The following ICA1L variants were observed in gnomAD, a reference collection of about 807,000 sequenced individuals.
ICA1L encodes the protein islet cell autoantigen 1 like.
ICA1L carries 50 observed loss-of-function variants against 61.3 expected under a neutral mutation model. That is an observed-to-expected ratio of 0.82 (90% CI 0.65 to 1.03). The LOEUF is 1.03. Among genes scored for constraint, ICA1L ranks in the 50% least tolerant of loss-of-function variants. The pLI, the probability that ICA1L is intolerant of heterozygous loss-of-function variation, is 0.00. For missense variants in ICA1L, 508 were observed against 556.7 expected (o/e 0.91, Z 0.88); for synonymous variants, 161 against 191.3 (o/e 0.84, Z 1.31).
At chr2:202,864,404 T>G (rs1190569866) in intron 1 of ICA1L, among the ~76,000 whole-genome samples, 1 of 152,068 alleles carries the variant, frequency 6.6e-6, no homozygotes, top group East Asian at 1.9e-4. Context: ...CCACCACGCC[T>G]GGCTAATTTT....
chr2:202,801,019 GA>G (rs35647239), intron 9 of ICA1L, among the ~76,000 whole-genome samples: 3 of 151,764 alleles, frequency 2.0e-5, no homozygotes, highest in African/African-American at 4.8e-5. Context: ...TTGAATATAG[GA>G]AAAAAAATAG....
At chr2:202,841,356 C>T in intron 1 of ICA1L, 1 of 831,746 alleles carries the variant, frequency 1.2e-6, no homozygotes, top group South Asian at 1.3e-5. Flanking sequence ...GTTGATGTAG[C>T]TCTCGAACAT....
chr2:202,859,257 A>C (rs1694846466), intron 1 of ICA1L, among the ~76,000 whole-genome samples: 1 of 152,230 alleles, frequency 6.6e-6, no homozygotes, highest in Admixed American at 6.5e-5. Flanking sequence ...TTATAATTGA[A>C]TTCAGATTAT....
chr2:202,840,217 G>C, intron 1 of ICA1L: 2 of 416,136 alleles, frequency 4.8e-6, no homozygotes, highest in South Asian at 1.8e-5. Context: ...CTGAGGGCTA[G>C]GGCTGAGCCT....
chr2:202,829,077 G>A, intron 1 of ICA1L, 61 bp from the exon 2 acceptor site: 1 of 1,382,958 alleles, frequency 7.2e-7, no homozygotes, highest in Non-Finnish European at 9.7e-7. Flanking sequence ...GGCTGGGCAC[G>A]GTGGCTCACG....
intron 1 of ICA1L, among the ~76,000 whole-genome samples, chr2:202,832,209 A>G (rs896627989): frequency 2.0e-5 from 3 of 152,188 alleles, no homozygotes; most frequent in Admixed American, 2.0e-4. Flanking sequence ...GAATCTCTCA[A>G]ATGCATCATT....
chr2:202,825,662 G>A, intron 3 of ICA1L, 33 bp downstream of exon 3: 1 of 1,385,334 alleles, frequency 7.2e-7, no homozygotes, highest in Non-Finnish European at 1.0e-6. Flanking sequence ...ATTTTAAATG[G>A]GGATTATCAG....
chr2:202,830,225 T>C (rs944174150), intron 1 of ICA1L, among the ~76,000 whole-genome samples: 4 of 152,090 alleles, frequency 2.6e-5, no homozygotes, highest in East Asian at 1.9e-4. Context: ...CTGGCCAACA[T>C]AGTGAAACCC....
Position 202,774,184 on chromosome 2 carries a change from G to T in ICA1L, c.*5349C>A. On this transcript the variant is annotated 3_prime_UTR_variant, in exon 13 of 13. Coordinates refer to ENST00000358299, the MANE Select transcript of ICA1L (RefSeq NM_001288622.3). ...ATCTGAGCGGCTTCTTGGAGAGCGGGCACACCAGGAACTCCAGCAGCGCCG... is the reference window on the plus strand; with the variant it reads ...ATCTGAGCGGCTTCTTGGAGAGCGGTCACACCAGGAACTCCAGCAGCGCCG... The T allele has an allele frequency of 6.5e-7, 1 of 1,550,302 alleles. No homozygotes were observed.
intron 1 of ICA1L, chr2:202,841,296 T>C: frequency 1.3e-6 from 1 of 748,284 alleles, no homozygotes. Context: ...AAGCTCTGCC[T>C]CCAGCTTCAG....
intron 9 of ICA1L, among the ~76,000 whole-genome samples, chr2:202,798,996 A>G (rs1693016952): frequency 6.6e-6 from 1 of 151,034 alleles, no homozygotes; most frequent in Non-Finnish European, 1.5e-5. Context: ...GTGTATATAT[A>G]CTACTTTTTC....
At chr2:202,852,339 G>T (rs1359029271) in intron 1 of ICA1L, among the ~76,000 whole-genome samples, 1 of 152,056 alleles carries the variant, frequency 6.6e-6, no homozygotes, top group East Asian at 1.9e-4. Flanking sequence ...CTTCCACAAT[G>T]GTTGAACTAG....
Position 202,797,620 on chromosome 2 carries a change from C to G in ICA1L, c.911-656G>C, listed in dbSNP as rs567262185. On this transcript the variant is annotated intron_variant, in intron 9 of 12. Coordinates refer to ENST00000358299, the MANE Select transcript of ICA1L (RefSeq NM_001288622.3). ...CACTGGAATCTCCACTTCTGGGGTT[C>G]AAGTGATTCTCCTGCCTCAGCCTCC... 2.0e-5 allele frequency among the ~76,000 whole-genome samples: 3 copies of G among 152,336 alleles called. No homozygotes were observed. The South Asian group carries it at 6.2e-4, about 32-fold the overall frequency.
Position 202,785,961 on chromosome 2 carries a change from A to T in ICA1L, c.1290T>A (p.Asp430Glu). 6.2e-7 allele frequency: 1 copy of T among 1,610,404 alleles called. No individual in the cohort carries two copies. The highest frequency in any genetic ancestry group is 8.5e-7 in the Non-Finnish European group (1 of 1,177,220). Residue 430 changes from aspartate (D) to glutamate (E), a missense_variant, in exon 12 of 13, where the codon GAT becomes GAA. Transcript: ENST00000358299. ...GACTCTGTGAAGGCACTGGCTGGTT[A>T]TCAGTGTGTGAAAGACAAAGTTCTG... ...EESELCLSHT[D>E]NQPVPSQSPK... is the part of the protein sequence containing the mutation.
chr2:202,851,819 G>A (rs1694631589), intron 1 of ICA1L, among the ~76,000 whole-genome samples: 1 of 152,210 alleles, frequency 6.6e-6, no homozygotes. Flanking sequence ...CTTTTGAGAA[G>A]TGTCTGTTCA....
chr2:202,847,996 C>T (rs986189502), intron 1 of ICA1L, among the ~76,000 whole-genome samples: 4 of 152,058 alleles, frequency 2.6e-5, no homozygotes, highest in Non-Finnish European at 4.4e-5. Context: ...AATCAAATGC[C>T]ACATGTTTTC....
At position 202,849,672 on chromosome 2, in the gene ICA1L, C is replaced by T. The variant is rs989872067; in HGVS notation, c.-7-20656G>A. 6.6e-6 allele frequency among the ~76,000 whole-genome samples: 1 copy of T among 152,214 alleles called. No individual in the cohort carries two copies. The highest frequency in any genetic ancestry group is 2.4e-5 in the African/African-American group (1 of 41,460). On this transcript the variant is annotated intron_variant, in intron 1 of 12. Transcript: ENST00000358299. The surrounding 1 kb of genome is among the most constrained non-coding windows in gnomAD (Gnocchi z 4.5). ...AAACTCCCATCTCCCTAGGACAGAG[C>T]ACCTGGGGGAAGGGGCAACTGTGGG...
intron 4 of ICA1L, chr2:202,820,126 C>A: frequency 2.1e-6 from 1 of 475,028 alleles, no homozygotes; most frequent in Non-Finnish European, 3.8e-6. Flanking sequence ...GTAATCCTAG[C>A]ACTTTGGGAG....
At chr2:202,842,812 A>C (rs555024335) in intron 1 of ICA1L, among the ~76,000 whole-genome samples, 5 of 152,300 alleles carry the variant, frequency 3.3e-5, no homozygotes. Context: ...AAAATCTTAT[A>C]AGCTTTAAAT....
Sources: allele counts gnomAD v4.1 joint callset (sites outside exome capture counted in the v4.1 genomes callset), GRCh38; gene constraint gnomAD v4.1.1; non-coding constraint Gnocchi (gnomAD v3.1); transcripts MANE v1.5; gene names NCBI Gene and HGNC (gene_info 2026-07-23, HGNC 2026-07-21).